Variants in JADE3 observed in about 807,000 individuals in gnomAD.
JADE3 encodes jade family PHD finger 3, also known as protein Jade-3.
A neutral mutation model predicts 50.1 loss-of-function variants in JADE3; 2 were observed. The observed-to-expected ratio is 0.04, with a 90% CI of 0.02 to 0.13. JADE3 has a LOEUF of 0.13. JADE3 is among the 10% of genes least tolerant of loss of function. JADE3 has a pLI of 1.00. For synonymous variants in JADE3, 218 were observed against 232.9 expected (o/e 0.94, Z 0.58); for missense variants, 475 against 634.4 (o/e 0.75, Z 2.70).
chrX:46,979,866 TCTG>T (rs1407035939), intron 1 of JADE3, among the ~76,000 whole-genome samples: 19 of 106,368 alleles, frequency 1.8e-4, no homozygotes, highest in East Asian at 1.2e-3. Flanking sequence ...TGGTAAAATG[TCTG>T]CTGATTTTTT....
At chrX:47,031,878 ATAAAAT>A (rs1229080155) in intron 6 of JADE3, among the ~76,000 whole-genome samples, 1 of 111,030 alleles carries the variant, frequency 9.0e-6, no homozygotes, top group Non-Finnish European at 1.9e-5. Flanking sequence ...AAAAATAATA[ATAAAAT>A]TAAAGAACAC....
rs1247132243 is a variant in JADE3, at chrX:47,058,698, T to G, written c.2093T>G (p.Leu698Trp). The G allele has an allele frequency of 5.0e-6, 6 of 1,209,442 alleles. No individual in the cohort carries two copies. Among genetic ancestry groups the G allele is most frequent in the Non-Finnish European group, 6.7e-6 (6 of 895,050 alleles). The change falls in exon 11 of 11, where the codon TTG (leucine) becomes TGG (tryptophan). Residue 698 changes from leucine (L) to tryptophan (W), a missense_variant. By Grantham distance (61) the Leu-to-Trp change is moderately conservative (BLOSUM62 -2). This residue lies in a region of JADE3 where 243 missense variants were observed against 238.2 expected (regional missense o/e 1.02). Coordinates refer to ENST00000614628, the MANE Select transcript of JADE3 (RefSeq NM_014735.5). ...CAGGAGCCTGTGTTCAGCCCCCACT[T>G]GGTCAGTCAGGGCAGCTTTAGAAAA... ...CDQEPVFSPH[L>W]VSQGSFRKST... is the part of the protein sequence containing the mutation.
At chrX:46,991,432 C>T (rs915192567) in intron 3 of JADE3, among the ~76,000 whole-genome samples, 2 of 110,158 alleles carry the variant, frequency 1.8e-5, no homozygotes, top group African/African-American at 6.6e-5. Context: ...ATCAGTACAC[C>T]ACATTTTGTT....
At chrX:46,952,990 C>CAA (rs782082333) in intron 1 of JADE3, among the ~76,000 whole-genome samples, 7 of 88,466 alleles carry the variant, frequency 7.9e-5, no homozygotes, top group African/African-American at 2.9e-4. Flanking sequence ...GAGACTGTCT[C>CAA]AAAAAAAAAA....
rs1489620446 is a variant in JADE3 at position 47,060,807 on chromosome X, A to G, written c.*1730A>G. 1 of 112,049 alleles carries G rather than the reference A, an allele frequency of 8.9e-6. No individual in the cohort carries two copies. Among genetic ancestry groups the G allele is most frequent in the African/African-American group, 3.3e-5 (1 of 30,713 alleles). 9.2% of individuals were successfully genotyped at this position (112,049 alleles called of 1,213,427 possible). ...GTTCTCTGGAGTAGATATTAATTTG[A>G]TACCTTCATGGTAATGAAATTATGA... On this transcript the variant is annotated 3_prime_UTR_variant, in exon 11 of 11. Transcript: ENST00000614628.
chrX:47,014,456 G>A (rs782096234), intron 4 of JADE3, among the ~76,000 whole-genome samples: 60 of 111,618 alleles, frequency 5.4e-4, no homozygotes, highest in Admixed American at 1.2e-3. Flanking sequence ...TTTCTTTGGG[G>A]CATTGTCCCC....
At chrX:46,983,804 AT>A (rs1927807762) in intron 1 of JADE3, among the ~76,000 whole-genome samples, 1 of 111,676 alleles carries the variant, frequency 9.0e-6, no homozygotes, top group African/African-American at 3.3e-5. Flanking sequence ...TTTTTTTTTA[AT>A]TGAAATAACT....
chrX:47,049,181 CTTT>C (rs376747614), intron 8 of JADE3, among the ~76,000 whole-genome samples: 4 of 77,561 alleles, frequency 5.2e-5, no homozygotes, highest in East Asian at 4.1e-4. Context: ...CTTTCTTCTT[CTTT>C]TTTTTTTTTT....
At chrX:46,968,945 C>T (rs1439048174) in intron 1 of JADE3, among the ~76,000 whole-genome samples, 2 of 112,254 alleles carry the variant, frequency 1.8e-5, no homozygotes, top group Non-Finnish European at 3.8e-5. Flanking sequence ...ATTTAATTGA[C>T]ATTTATAGAA....
intron 1 of JADE3, among the ~76,000 whole-genome samples, chrX:46,960,759 C>T (rs781993474): frequency 1.8e-5 from 2 of 111,753 alleles, no homozygotes; most frequent in Admixed American, 1.9e-4. Context: ...ATCACTGAAC[C>T]TAGGGGTGAT....
At chrX:47,006,481 T>C (rs1417681378) in intron 4 of JADE3, among the ~76,000 whole-genome samples, 1 of 104,760 alleles carries the variant, frequency 9.5e-6, no homozygotes, top group Non-Finnish European at 2.0e-5. Flanking sequence ...TTTTTTTTTT[T>C]AGAGACAGGG....
chrX:46,930,298 A>C (rs1346490819), intron 1 of JADE3, among the ~76,000 whole-genome samples: 1 of 112,012 alleles, frequency 8.9e-6, no homozygotes, highest in Admixed American at 9.5e-5. Context: ...GCCATCAGAT[A>C]TGTGAGTGAA....
rs1251970715 is a variant in JADE3, at chrX:46,923,402, T to C, written c.-12+10683T>C. 1.6e-3 allele frequency among the ~76,000 whole-genome samples: 79 copies of C among 48,105 alleles called. 1 individual carries two copies. The highest frequency in any genetic ancestry group is 2.5e-3 in the Non-Finnish European group (62 of 24,628). The allele number at this position is 48,105 out of a possible 115,157, so 41.8% of individuals were successfully genotyped here. A position where few individuals can be genotyped will look rare whatever the true frequency, so the allele number is the denominator to read the frequency against. On this transcript the variant is annotated intron_variant, in intron 1 of 10. Transcript: ENST00000614628. The stretch of plus-strand genomic sequence containing the variant: ...CTCTCTCTCTCTCTCTCTTTTTTTT[T>C]TTTTTTTTTTTTTTTTTTTGAGGCA...
chrX:47,025,922 A>T (rs1369835946), intron 5 of JADE3, among the ~76,000 whole-genome samples: 3 of 111,967 alleles, frequency 2.7e-5, no homozygotes, highest in Non-Finnish European at 5.6e-5. Flanking sequence ...ATCTGAATGC[A>T]CATGAATAAA....
intron 1 of JADE3, among the ~76,000 whole-genome samples, chrX:46,924,649 T>G (rs1478629919): frequency 8.9e-6 from 1 of 111,802 alleles, no homozygotes; most frequent in Admixed American, 9.5e-5. Context: ...TCTCTTGAAT[T>G]TTATGGTTTT....
intron 4 of JADE3, among the ~76,000 whole-genome samples, chrX:47,021,305 C>T (rs1319517289): frequency 9.0e-6 from 1 of 111,441 alleles, no homozygotes; most frequent in Non-Finnish European, 1.9e-5. Flanking sequence ...TTAATTTTCA[C>T]TTCTGTGTCA....
At chrX:46,986,425 A>G (rs782128408) in intron 3 of JADE3, among the ~76,000 whole-genome samples, 7 of 111,946 alleles carry the variant, frequency 6.3e-5, no homozygotes, top group South Asian at 7.5e-4. Context: ...CTGTGATTTC[A>G]TTTTGTGATT....
chrX:47,052,640 A>C, intron 8 of JADE3, among the ~76,000 whole-genome samples: 1 of 106,705 alleles, frequency 9.4e-6, no homozygotes, highest in Non-Finnish European at 1.9e-5. Context: ...TCTCAAAAAA[A>C]AAAAAAAAAA....
chrX:47,057,464 C>T (rs1207136252), intron 10 of JADE3, among the ~76,000 whole-genome samples: 6 of 111,394 alleles, frequency 5.4e-5, no homozygotes, highest in South Asian at 3.8e-4. Context: ...AACTGATTGC[C>T]GATACTCCCC....
Sources: allele counts gnomAD v4.1 joint callset (sites outside exome capture counted in the v4.1 genomes callset), GRCh38; gene constraint gnomAD v4.1.1; regional missense constraint gnomAD v4.1.1; transcripts MANE v1.5; gene names NCBI Gene and HGNC (gene_info 2026-07-23, HGNC 2026-07-21).